Variants in TBCD observed in about 807,000 individuals in gnomAD.
TBCD encodes the protein tubulin folding cofactor D, also known as tubulin-specific chaperone D.
A neutral mutation model predicts 169.3 loss-of-function variants in TBCD; 105 were observed. The ratio of observed to expected loss-of-function variants is 0.62; its 90% CI spans 0.53 to 0.73. The LOEUF (loss-of-function observed/expected upper bound fraction) is 0.73, where lower values mean the gene tolerates loss of function less well. Ranked by LOEUF, TBCD falls within the 30% of genes least tolerant of loss-of-function variation. TBCD has a pLI of 0.00. For synonymous variants in TBCD, 700 were observed against 643.9 expected (o/e 1.09, Z -1.32); for missense variants, 1,444 against 1,600.1 (o/e 0.90, Z 1.66).
intron 21 of TBCD, 47 bp downstream of exon 21, chr17:82,907,868 C>T (rs1426605512): frequency 6.3e-7 from 1 of 1,592,006 alleles, no homozygotes; most frequent in Admixed American, 1.8e-5. Context: ...ATCACAGGAC[C>T]TGCCCCCTTA....
chr17:82,784,214 T>G (rs188359855), intron 7 of TBCD, among the ~76,000 whole-genome samples: 1 of 152,130 alleles, frequency 6.6e-6, no homozygotes, highest in South Asian at 2.1e-4. Flanking sequence ...TAAACAAAAT[T>G]TGGAATGTTT....
intron 14 of TBCD, among the ~76,000 whole-genome samples, chr17:82,879,709 C>T (rs779707895): frequency 9.2e-5 from 14 of 152,190 alleles, no homozygotes; most frequent in Admixed American, 3.9e-4. Flanking sequence ...CAGGACAGTC[C>T]GTCTCCCCCA....
chr17:82,860,966 G>C (rs1250549333), intron 13 of TBCD, among the ~76,000 whole-genome samples: 1 of 152,208 alleles, frequency 6.6e-6, no homozygotes, highest in African/African-American at 2.4e-5. Flanking sequence ...GGCGGGGGGA[G>C]CTCTTCAGAA....
intron 13 of TBCD, chr17:82,830,072 T>A: frequency 6.2e-7 from 1 of 1,604,120 alleles, no homozygotes; most frequent in Non-Finnish European, 8.5e-7. Flanking sequence ...AGTTCAGAGG[T>A]GTTGTAGCTT....
intron 2 of TBCD, among the ~76,000 whole-genome samples, chr17:82,762,946 A>T (rs1042377742): frequency 8.1e-4 from 123 of 152,128 alleles, no homozygotes; most frequent in African/African-American, 2.9e-3. Context: ...TGCCAGTTGC[A>T]GTTGTTTTCC....
intron 37 of TBCD, among the ~76,000 whole-genome samples, chr17:82,939,700 C>G (rs1048519569): frequency 6.6e-6 from 1 of 152,226 alleles, no homozygotes; most frequent in Admixed American, 6.5e-5. Context: ...GTCAGGAACA[C>G]AGCAAAGCCA....
At chr17:82,810,259 C>T (rs1440807260) in intron 12 of TBCD, among the ~76,000 whole-genome samples, 1 of 152,208 alleles carries the variant, frequency 6.6e-6, no homozygotes, top group East Asian at 1.9e-4. Context: ...GAATTCAAGA[C>T]CAGCCTGGGC....
intron 13 of TBCD, among the ~76,000 whole-genome samples, chr17:82,849,346 T>C (rs1490823763): frequency 1.3e-5 from 2 of 149,526 alleles, no homozygotes; most frequent in African/African-American, 4.9e-5. Context: ...CTACCGGGCT[T>C]GGTCTTCAGG....
chr17:82,846,688 T>C (rs2055151064), intron 13 of TBCD, among the ~76,000 whole-genome samples: 1 of 152,198 alleles, frequency 6.6e-6, no homozygotes, highest in African/African-American at 2.4e-5. Flanking sequence ...TCTGCCCCCG[T>C]CACCTCGGAG....
intron 32 of TBCD, chr17:82,929,825 C>CTCCATCAGGT: frequency 2.1e-6 from 1 of 487,014 alleles, no homozygotes; most frequent in Non-Finnish European, 3.8e-6. Context: ...GGTACCTGGG[C>CTCCATCAGGT]TCCATCAGGT....
intron 1 of TBCD, among the ~76,000 whole-genome samples, chr17:82,753,780 A>G (rs1307326686): frequency 6.6e-6 from 1 of 151,132 alleles, no homozygotes; most frequent in Non-Finnish European, 1.5e-5. Flanking sequence ...CGGGCTGCCC[A>G]GATAGAGTTG....
intron 34 of TBCD, among the ~76,000 whole-genome samples, chr17:82,933,413 A>G (rs1243274439): frequency 1.3e-5 from 2 of 150,346 alleles, no homozygotes; most frequent in Non-Finnish European, 3.0e-5. Flanking sequence ...AGTCTAATGT[A>G]CGGCTAATGT....
chr17:82,930,351 T>G lies in TBCD; in HGVS notation c.2992-171T>G, dbSNP rs1049038570. 9 of 899,484 alleles carry G rather than the reference T, an allele frequency of 1.0e-5. No individual in the cohort carries two copies. Among genetic ancestry groups the G allele is most frequent in the Non-Finnish European group, 1.5e-5 (9 of 613,952 alleles). The allele number at this position is 899,484 out of a possible 1,614,324, so 55.7% of individuals were successfully genotyped here. A position where few individuals can be genotyped will look rare whatever the true frequency, so the allele number is the denominator to read the frequency against. On this transcript the variant is annotated intron_variant, in intron 32 of 38. Coordinates refer to ENST00000355528, the MANE Select transcript of TBCD (RefSeq NM_005993.5). This position sits in a 1 kb window ranked among gnomAD's most constrained non-coding sequence, Gnocchi z 5.2. ...TTGTGTCTGCTTCGGGTGTCTGCAC[T>G]GTGAGTGGCTCCGTGCTGGCGTCCG...
intron 15 of TBCD, among the ~76,000 whole-genome samples, chr17:82,888,601 A>C (rs1434925585): frequency 6.6e-6 from 1 of 152,102 alleles, no homozygotes; most frequent in Non-Finnish European, 1.5e-5. Context: ...TCCAATCTCC[A>C]GCCCAGCCCA....
intron 5 of TBCD, among the ~76,000 whole-genome samples, chr17:82,769,904 A>G (rs2048218304): frequency 6.6e-6 from 1 of 151,722 alleles, no homozygotes; most frequent in Non-Finnish European, 1.5e-5. Context: ...AATTTAACCT[A>G]TACGTTGATG....
chr17:82,857,013 C>T (rs1037095558), intron 13 of TBCD, among the ~76,000 whole-genome samples: 12 of 152,326 alleles, frequency 7.9e-5, no homozygotes, highest in Middle Eastern at 3.4e-3. Flanking sequence ...TGCGGACCCT[C>T]GGTGTGTTAC....
intron 13 of TBCD, among the ~76,000 whole-genome samples, chr17:82,822,183 G>A (rs1189219536): frequency 2.6e-5 from 4 of 152,226 alleles, no homozygotes; most frequent in African/African-American, 9.6e-5. Context: ...TGACAAGTGC[G>A]ATTGGCGCCC....
At chr17:82,793,928 G>A (rs562394721) in intron 7 of TBCD, among the ~76,000 whole-genome samples, 2 of 152,282 alleles carry the variant, frequency 1.3e-5, no homozygotes, top group South Asian at 4.1e-4. Flanking sequence ...GAACAGACTC[G>A]CTCTCCTCAT....
chr17:82,897,676 C>CACA (rs1219365947), intron 17 of TBCD, among the ~76,000 whole-genome samples: 2 of 152,200 alleles, frequency 1.3e-5, no homozygotes, highest in East Asian at 3.9e-4. Context: ...CAGTGTGGTG[C>CACA]ACATGACCCT....
Sources: allele counts gnomAD v4.1 joint callset (sites outside exome capture counted in the v4.1 genomes callset), GRCh38; gene constraint gnomAD v4.1.1; non-coding constraint Gnocchi (gnomAD v3.1); transcripts MANE v1.5; gene names NCBI Gene and HGNC (gene_info 2026-07-23, HGNC 2026-07-21).